KIAA1217: variants seen among roughly 807,000 people sequenced by gnomAD.
KIAA1217 encodes the protein KIAA1217.
Under a neutral mutation model 163.9 loss-of-function variants are expected in KIAA1217, and 88 were observed. The ratio of observed to expected loss-of-function variants is 0.54; its 90% CI spans 0.45 to 0.64. The LOEUF (loss-of-function observed/expected upper bound fraction) is 0.64. Ranked by LOEUF, KIAA1217 falls within the 30% of genes least tolerant of loss-of-function variation. The pLI, the probability that KIAA1217 is intolerant of heterozygous loss-of-function variation, is 0.00. For missense variants in KIAA1217, 2,372 were observed against 2,475.0 expected, an observed-to-expected ratio of 0.96 and a Z score of 0.88; for synonymous variants, 903 against 923.1, an observed-to-expected ratio of 0.98 and a Z score of 0.39.
intron 2 of KIAA1217, among the ~76,000 whole-genome samples, chr10:24,064,024 G>C (rs145276759): frequency 1.3e-5 from 2 of 152,260 alleles, no homozygotes; most frequent in African/African-American, 4.8e-5. Context: ...TTGCTTATCA[G>C]CTTAAGGAGA....
At chr10:23,931,103 G>T (rs985437895) in intron 1 of KIAA1217, among the ~76,000 whole-genome samples, 1 of 151,896 alleles carries the variant, frequency 6.6e-6, no homozygotes, top group Non-Finnish European at 1.5e-5. Context: ...AACTCACCCC[G>T]CCTGCTTCTA....
At chr10:23,850,928 T>A (rs1412170984) in intron 1 of KIAA1217, among the ~76,000 whole-genome samples, 2 of 152,056 alleles carry the variant, frequency 1.3e-5, no homozygotes, top group Admixed American at 1.3e-4. Context: ...GAACTCACTA[T>A]CAATGAGAAC....
chr10:23,852,921 A>G (rs372331762), intron 1 of KIAA1217, among the ~76,000 whole-genome samples: 1 of 152,148 alleles, frequency 6.6e-6, no homozygotes, highest in African/African-American at 2.4e-5. Flanking sequence ...GGGCTGAGAC[A>G]ATGGGGTTTT....
At chr10:24,466,733 C>T (rs908944038) in intron 5 of KIAA1217, 3 of 985,270 alleles carry the variant, frequency 3.0e-6, no homozygotes, top group Non-Finnish European at 3.6e-6. Flanking sequence ...GTAATCAGGA[C>T]CTGAGCGAAT....
At chr10:24,039,478 G>A (rs1330145725) in intron 2 of KIAA1217, among the ~76,000 whole-genome samples, 1 of 152,086 alleles carries the variant, frequency 6.6e-6, no homozygotes, top group Non-Finnish European at 1.5e-5. Context: ...CCCCTTGTCA[G>A]CCACACAATT....
chr10:23,704,170 G>GTA (rs1314137167), intron 1 of KIAA1217, among the ~76,000 whole-genome samples: 100 of 54,084 alleles, frequency 1.8e-3, no homozygotes, highest in Middle Eastern at 0.015. Flanking sequence ...GTGTGTGTGT[G>GTA]TGTATATATA....
intron 1 of KIAA1217, among the ~76,000 whole-genome samples, chr10:23,887,846 T>A (rs1841249586): frequency 6.6e-6 from 1 of 151,930 alleles, no homozygotes; most frequent in Non-Finnish European, 1.5e-5. Context: ...CTGGAAAGTT[T>A]TACCAATGAC....
intron 2 of KIAA1217, among the ~76,000 whole-genome samples, chr10:24,229,542 G>A (rs1001673987): frequency 2.6e-5 from 4 of 152,038 alleles, no homozygotes; most frequent in African/African-American, 9.7e-5. Flanking sequence ...TTTTGAGATA[G>A]AGTCTTGCAC....
At chr10:24,069,591 T>G (rs1291288272) in intron 2 of KIAA1217, among the ~76,000 whole-genome samples, 1 of 152,190 alleles carries the variant, frequency 6.6e-6, no homozygotes, top group Non-Finnish European at 1.5e-5. Context: ...AGTGCTGTGC[T>G]GGGGGTAGGG....
chr10:24,106,052 CTGGGATTTTGACAA>C (rs772731660), intron 2 of KIAA1217, among the ~76,000 whole-genome samples: 54 of 152,162 alleles, frequency 3.5e-4, no homozygotes, highest in Non-Finnish European at 3.5e-4. Flanking sequence ...TTTTGTGCAG[CTGGGATTTTGACAA>C]TGGGATTTTG....
At chr10:23,741,977 G>A (rs1036575774) in intron 1 of KIAA1217, among the ~76,000 whole-genome samples, 2 of 152,168 alleles carry the variant, frequency 1.3e-5, no homozygotes, top group African/African-American at 2.4e-5. Context: ...GATGTAGTTT[G>A]ATTTATTCTT....
In KIAA1217 at chr10:24,350,101, C is replaced by T. The variant is rs184792342; in HGVS notation, c.355-30768C>T. Among the ~76,000 whole-genome samples, 272 of 152,288 alleles carry T rather than the reference C, an allele frequency of 1.8e-3. 2 individuals are homozygous for T. Among genetic ancestry groups the T allele is most frequent in the Middle Eastern group, 6.8e-3 (2 of 294 alleles). On this transcript the variant is annotated intron_variant, in intron 2 of 20. Coordinates refer to ENST00000376454, the MANE Select transcript of KIAA1217 (RefSeq NM_019590.5). ...AATTGCTTTTGTTTTGCCCCCGTCC[C>T]CCAAATCATTTTTTTAAAGAAAGAG...
chr10:23,848,778 G>T lies in KIAA1217; in HGVS notation c.-321+153544G>T, dbSNP rs561628862. On this transcript the variant is annotated intron_variant, in intron 1 of 18. Coordinates refer to the KIAA1217 transcript ENST00000376462. ...TGGAGGACAGTTACTGTCTGCCCTG[G>T]AGAGTCACATGGCTCCACAGTGGAT... Among the ~76,000 whole-genome samples the T allele has an allele frequency of 2.6e-5, 4 of 152,090 alleles. No individual in the cohort carries two copies. In the South Asian group the frequency reaches 8.3e-4, roughly 32 times the overall value.
intron 2 of KIAA1217, among the ~76,000 whole-genome samples, chr10:24,184,346 G>T (rs921192581): frequency 2.0e-4 from 30 of 152,234 alleles, no homozygotes; most frequent in Non-Finnish European, 1.0e-4. Context: ...CTCTTTATGT[G>T]GCAGTTGTAC....
At chr10:24,371,134 T>G (rs568038758) in intron 2 of KIAA1217, among the ~76,000 whole-genome samples, 1 of 152,180 alleles carries the variant, frequency 6.6e-6, no homozygotes, top group South Asian at 2.1e-4. Context: ...CAATCTGAGG[T>G]GGTATTTCAG....
intron 1 of KIAA1217, among the ~76,000 whole-genome samples, chr10:23,886,838 T>C (rs1227464785): frequency 7.2e-6 from 1 of 138,164 alleles, no homozygotes; most frequent in Admixed American, 7.8e-5. Context: ...TCTTGTTGAC[T>C]TTTTTTTTTT....
chr10:24,181,417 C>T (rs1176644096), intron 2 of KIAA1217, among the ~76,000 whole-genome samples: 1 of 152,090 alleles, frequency 6.6e-6, no homozygotes, highest in East Asian at 1.9e-4. Flanking sequence ...TTTGGAGGGA[C>T]AGCAGACAAG....
chr10:23,731,959 G>A (rs1027824040), intron 1 of KIAA1217, among the ~76,000 whole-genome samples: 5 of 151,966 alleles, frequency 3.3e-5, no homozygotes, highest in Non-Finnish European at 5.9e-5. Flanking sequence ...ATCTCACTTG[G>A]TTGTGGTGTA....
chr10:24,134,758 G>T (rs2063773987), intron 2 of KIAA1217, among the ~76,000 whole-genome samples: 1 of 152,168 alleles, frequency 6.6e-6, no homozygotes, highest in South Asian at 2.1e-4. Flanking sequence ...TATATATTTT[G>T]TAGAGACAGG....
Sources: allele counts gnomAD v4.1 joint callset (sites outside exome capture counted in the v4.1 genomes callset), GRCh38; gene constraint gnomAD v4.1.1; transcripts MANE v1.5; gene names NCBI Gene and HGNC (gene_info 2026-07-23, HGNC 2026-07-21).